Variants in RSRC1 observed in about 807,000 individuals in gnomAD.
The protein encoded by RSRC1 is serine/Arginine-related protein 53.
A neutral mutation model predicts 49.1 loss-of-function variants in RSRC1; 39 were observed. The observed-to-expected ratio is 0.79, with a 90% CI of 0.61 to 1.04. The LOEUF (loss-of-function observed/expected upper bound fraction) is 1.04. RSRC1 is among the 50% of genes least tolerant of loss of function. The pLI is 0.00. For missense variants in RSRC1, 388 were observed against 402.4 expected (o/e 0.96, Z 0.31); for synonymous variants, 143 against 130.8 (o/e 1.09, Z -0.63).
intron 3 of RSRC1, among the ~76,000 whole-genome samples, chr3:158,200,548 C>T (rs1331995952): frequency 6.6e-6 from 1 of 151,616 alleles, no homozygotes; most frequent in African/African-American, 2.4e-5. Flanking sequence ...TATGTCTTTC[C>T]CTTCTTTTTT....
At chr3:158,222,828 C>G (rs1444411907) in intron 4 of RSRC1, among the ~76,000 whole-genome samples, 1 of 151,570 alleles carries the variant, frequency 6.6e-6, no homozygotes, top group Non-Finnish European at 1.5e-5. Context: ...GTGCTCTGTT[C>G]AACATCAGTT....
chr3:158,313,484 T>C (rs1728240401), intron 5 of RSRC1, among the ~76,000 whole-genome samples: 1 of 152,240 alleles, frequency 6.6e-6, no homozygotes, highest in Non-Finnish European at 1.5e-5. Context: ...GTGCCTGTAA[T>C]GAGACCTTTA....
intron 4 of RSRC1, among the ~76,000 whole-genome samples, chr3:158,281,397 A>T (rs905257939): frequency 5.9e-5 from 9 of 151,596 alleles, no homozygotes; most frequent in Non-Finnish European, 1.3e-4. Flanking sequence ...TCTGGAGCTT[A>T]TGAATGATAT....
chr3:158,114,265 A>G (rs1714635551), intron 1 of RSRC1, among the ~76,000 whole-genome samples: 1 of 152,148 alleles, frequency 6.6e-6, no homozygotes, highest in Admixed American at 6.5e-5. Flanking sequence ...TCCTTTCCTC[A>G]TTGCTTGTTT....
chr3:158,392,282 A>T (rs1486672602), intron 6 of RSRC1, among the ~76,000 whole-genome samples: 1 of 152,104 alleles, frequency 6.6e-6, no homozygotes, highest in Non-Finnish European at 1.5e-5. Context: ...GTCCAGTTGG[A>T]TCCTATTCTG....
chr3:158,348,367 G>T (rs1275799073), intron 5 of RSRC1, among the ~76,000 whole-genome samples: 2 of 152,120 alleles, frequency 1.3e-5, no homozygotes, highest in African/African-American at 4.8e-5. Context: ...ACACTCATGG[G>T]TGGCTCAAAG....
chr3:158,419,642 G>C (rs1002353819), intron 6 of RSRC1, among the ~76,000 whole-genome samples: 2 of 151,830 alleles, frequency 1.3e-5, no homozygotes, highest in Non-Finnish European at 2.9e-5. Context: ...CTGTTTGGAT[G>C]TGTACATGCC....
chr3:158,201,214 A>G (rs1721029463), intron 3 of RSRC1, among the ~76,000 whole-genome samples: 1 of 152,158 alleles, frequency 6.6e-6, no homozygotes, highest in Non-Finnish European at 1.5e-5. Flanking sequence ...ATAAGAGGTC[A>G]GTAGCAATAA....
intron 3 of RSRC1, among the ~76,000 whole-genome samples, chr3:158,192,332 A>G (rs1720295331): frequency 6.6e-6 from 1 of 152,102 alleles, no homozygotes; most frequent in South Asian, 2.1e-4. Context: ...TATAGAATAT[A>G]CCAGAATTTT....
chr3:158,210,511 G>C (rs1343650487), intron 4 of RSRC1, among the ~76,000 whole-genome samples: 1 of 140,236 alleles, frequency 7.1e-6, no homozygotes, highest in African/African-American at 2.6e-5. Context: ...CGTCAATTTT[G>C]TTAAGCAGGT....
chr3:158,475,781 A>G (rs1450628200), intron 7 of RSRC1, among the ~76,000 whole-genome samples: 1 of 151,842 alleles, frequency 6.6e-6, no homozygotes, highest in Non-Finnish European at 1.5e-5. Flanking sequence ...CTGAAACACA[A>G]TGTTGAAATT....
rs945948574 is a variant in RSRC1 at position 158,511,865 on chromosome 3, G to A, written c.653-25227G>A. 3.3e-5 allele frequency among the ~76,000 whole-genome samples: 5 copies of A among 152,040 alleles called. 1 individual carries two copies. The highest frequency in any genetic ancestry group is 9.7e-5 in the African/African-American group (4 of 41,386). Reference sequence around the variant, plus strand: ...TTGTGGTTTTGATTTGCATTTCTCTGATGGCCAGTGATGGTGAGCATTTTT... The same window carrying A: ...TTGTGGTTTTGATTTGCATTTCTCTAATGGCCAGTGATGGTGAGCATTTTT... On this transcript the variant is annotated intron_variant, in intron 7 of 9. Transcript: ENST00000611884.
In RSRC1 at chr3:158,366,548, A is replaced by G. The variant is rs143798260; in HGVS notation, c.583+11640A>G. 2.0e-5 allele frequency among the ~76,000 whole-genome samples: 3 copies of G among 152,122 alleles called. No individual in the cohort carries two copies. In the South Asian group the frequency reaches 6.2e-4, roughly 31 times the overall value. On this transcript the variant is annotated intron_variant, in intron 6 of 9. Transcript: ENST00000611884. ...AGTGCCATGCTGTTTTGGTTACCGT[A>G]GCCTTGTATTATAGTTTGAAGTCAG...
In RSRC1 at chr3:158,408,624, T is replaced by G. The variant is rs142140925; in HGVS notation, c.584-52311T>G. 2.8e-3 allele frequency among the ~76,000 whole-genome samples: 420 copies of G among 152,296 alleles called. 5 individuals are homozygous for G. The highest frequency in any genetic ancestry group is 4.5e-3 in the Non-Finnish European group (305 of 68,026). On this transcript the variant is annotated intron_variant, in intron 6 of 9. Coordinates refer to ENST00000611884, the MANE Select transcript of RSRC1 (RefSeq NM_001271838.2). Reference sequence around the variant, plus strand: ...ATCTCTTAGCTTCTTTTAAAAACACTGATGACCTAGGAAAAAATATGTCCT... The same window carrying G: ...ATCTCTTAGCTTCTTTTAAAAACACGGATGACCTAGGAAAAAATATGTCCT...
At position 158,363,969 on chromosome 3, in the gene RSRC1, A is replaced by G. The variant is rs531939320; in HGVS notation, c.583+9061A>G. On this transcript the variant is annotated intron_variant, in intron 6 of 9. Transcript: ENST00000611884. ...CAGTTATACATACTGTATCCAAGTA[A>G]TAAGCTTTGCTGAGTAGTACGCCAT... is the stretch of plus-strand genomic sequence containing the variant. Among the ~76,000 whole-genome samples the G allele has an allele frequency of 1.1e-4, 16 of 152,296 alleles. No homozygotes were observed. The South Asian group carries it at 3.1e-3, about 30-fold the overall frequency.
intron 5 of RSRC1, among the ~76,000 whole-genome samples, chr3:158,339,214 C>T (rs1046390996): frequency 3.4e-5 from 5 of 148,568 alleles, no homozygotes; most frequent in African/African-American, 1.2e-4. Context: ...ATGGCGTGAA[C>T]CCGGGAAGCG....
At chr3:158,410,263 G>A (rs188676399) in intron 6 of RSRC1, among the ~76,000 whole-genome samples, 6 of 152,090 alleles carry the variant, frequency 3.9e-5, no homozygotes, top group East Asian at 1.9e-4. Context: ...TAACCCATTG[G>A]CTTGCTTTTT....
At chr3:158,350,272 G>T (rs536808018) in intron 5 of RSRC1, among the ~76,000 whole-genome samples, 12 of 150,152 alleles carry the variant, frequency 8.0e-5, no homozygotes, top group African/African-American at 2.9e-4. Flanking sequence ...TCACCTCCCA[G>T]GCTCAAGCTA....
intron 7 of RSRC1, among the ~76,000 whole-genome samples, chr3:158,468,059 G>A (rs974655646): frequency 2.0e-5 from 3 of 152,026 alleles, no homozygotes; most frequent in Admixed American, 6.6e-5. Context: ...TCAGCCTCCC[G>A]AGTCGCTGGT....
Sources: gnomAD v4.1 joint callset for allele counts (sites outside exome capture counted in the v4.1 genomes callset) on GRCh38, gnomAD v4.1.1 for gene constraint, MANE v1.5 for transcripts, NCBI Gene and HGNC (gene_info 2026-07-23, HGNC 2026-07-21) for gene names.